IFT43: variants seen among roughly 807,000 people sequenced by gnomAD.
The protein encoded by IFT43 is intraflagellar transport 43, also known as intraflagellar transport protein 43 homolog.
IFT43 carries 33 observed loss-of-function variants against 32.3 expected under a neutral mutation model. That is an observed-to-expected ratio of 1.02 (90% CI 0.77 to 1.37). IFT43 has a LOEUF of 1.37. Among genes scored for constraint, IFT43 ranks in the 40% most tolerant of loss-of-function variants. The pLI is 0.00. For synonymous variants in IFT43, 93 were observed against 98.2 expected (o/e 0.95, Z 0.31); for missense variants, 274 against 265.9 (o/e 1.03, Z -0.21).
intron 5 of IFT43, among the ~76,000 whole-genome samples, chr14:76,065,261 A>G (rs1359837209): frequency 6.6e-6 from 1 of 152,204 alleles, no homozygotes; most frequent in Non-Finnish European, 1.5e-5. Context: ...ATCATCATTT[A>G]CTACCAAACA....
At chr14:76,067,304 G>A (rs2037241091) in intron 5 of IFT43, among the ~76,000 whole-genome samples, 1 of 152,132 alleles carries the variant, frequency 6.6e-6, no homozygotes, top group Admixed American at 6.5e-5. Context: ...AGTGGCTCAC[G>A]CCTGTAATCT....
At chr14:76,082,579 G>A (rs2037530863) in intron 6 of IFT43, 38 bp from the exon 7 acceptor site, 6 of 1,613,966 alleles carry the variant, frequency 3.7e-6, no homozygotes, top group Non-Finnish European at 5.1e-6. Flanking sequence ...AACAGGTCCT[G>A]CCTGGGGTTC....
chr14:75,994,291 G>C (rs184742867), intron 2 of IFT43, among the ~76,000 whole-genome samples: 1 of 152,184 alleles, frequency 6.6e-6, no homozygotes, highest in South Asian at 2.1e-4. Context: ...CACTTAGGAC[G>C]TGGTGCCAGT....
intron 3 of IFT43, among the ~76,000 whole-genome samples, chr14:76,052,144 A>G (rs985082380): frequency 6.6e-6 from 1 of 151,460 alleles, no homozygotes; most frequent in South Asian, 2.1e-4. Flanking sequence ...GCTTCCCCCC[A>G]TTTATCTCGG....
chr14:76,062,606 C>T (rs1299887763), intron 5 of IFT43, among the ~76,000 whole-genome samples: 1 of 151,992 alleles, frequency 6.6e-6, no homozygotes, highest in Non-Finnish European at 1.5e-5. Context: ...TGCTTTTGCA[C>T]CATCATAAAG....
chr14:76,067,071 A>G (rs964892997), intron 5 of IFT43, among the ~76,000 whole-genome samples: 6 of 152,178 alleles, frequency 3.9e-5, no homozygotes, highest in Non-Finnish European at 8.8e-5. Flanking sequence ...TCGGTCTTTC[A>G]TAGACAACTT....
chr14:76,001,107 A>AT (rs2035877059), intron 2 of IFT43, among the ~76,000 whole-genome samples: 1 of 152,188 alleles, frequency 6.6e-6, no homozygotes, highest in Admixed American at 6.5e-5. Context: ...GTGCAAACAC[A>AT]TTTTCAGTAG....
At chr14:76,065,079 G>A (rs1310032873) in intron 5 of IFT43, among the ~76,000 whole-genome samples, 3 of 152,154 alleles carry the variant, frequency 2.0e-5, no homozygotes, top group Non-Finnish European at 4.4e-5. Context: ...TCAAATTGTT[G>A]CACCTTTAAG....
At chr14:76,070,707 T>A (rs2037305771) in intron 5 of IFT43, among the ~76,000 whole-genome samples, 1 of 152,092 alleles carries the variant, frequency 6.6e-6, no homozygotes, top group Non-Finnish European at 1.5e-5. Context: ...TTTGGCACCA[T>A]CCCCTTGGCG....
chr14:76,046,415 G>A (rs936008233), intron 3 of IFT43, among the ~76,000 whole-genome samples: 4 of 152,094 alleles, frequency 2.6e-5, no homozygotes, highest in Admixed American at 1.3e-4. Flanking sequence ...CAGCAAGGGA[G>A]GCAGCAATAT....
At chr14:76,008,145 C>T (rs755854428) in intron 2 of IFT43, among the ~76,000 whole-genome samples, 1 of 152,162 alleles carries the variant, frequency 6.6e-6, no homozygotes, top group Non-Finnish European at 1.5e-5. Context: ...CATGTTATGT[C>T]TCATTGAGCT....
intron 5 of IFT43, among the ~76,000 whole-genome samples, chr14:76,066,049 G>A (rs1220515228): frequency 6.6e-6 from 1 of 152,196 alleles, no homozygotes; most frequent in African/African-American, 2.4e-5. Flanking sequence ...TAGCCTCCAG[G>A]CTCTAACAAA....
At chr14:76,020,002 ATC>A (rs2036260827) in intron 2 of IFT43, among the ~76,000 whole-genome samples, 3 of 151,594 alleles carry the variant, frequency 2.0e-5, no homozygotes, top group Admixed American at 2.0e-4. Context: ...TGGAGACGGA[ATC>A]TCTCCCTGTT....
chr14:76,003,790 G>C (rs2035933725), intron 2 of IFT43, among the ~76,000 whole-genome samples: 1 of 151,456 alleles, frequency 6.6e-6, no homozygotes, highest in Admixed American at 6.6e-5. Context: ...GTTTTGTTTT[G>C]TTTTTGAGAC....
intron 6 of IFT43, 100 bp from the exon 7 acceptor site, chr14:76,082,516 CA>C: frequency 1.4e-6 from 2 of 1,412,988 alleles, no homozygotes; most frequent in South Asian, 2.3e-5. Flanking sequence ...CCATTCTGGT[CA>C]TCCCCTGCTG....
chr14:76,026,147 G>A (rs960944342), intron 3 of IFT43, among the ~76,000 whole-genome samples: 22 of 152,142 alleles, frequency 1.4e-4, no homozygotes, highest in African/African-American at 5.1e-4. Flanking sequence ...CAAACACTTT[G>A]TAAAAGAAAG....
intron 3 of IFT43, among the ~76,000 whole-genome samples, chr14:76,041,928 A>G (rs2036715045): frequency 6.6e-6 from 1 of 152,202 alleles, no homozygotes; most frequent in African/African-American, 2.4e-5. Flanking sequence ...GTGGACATTT[A>G]GGTTCTTTCT....
intron 2 of IFT43, among the ~76,000 whole-genome samples, chr14:75,991,788 C>A (rs1017025474): frequency 1.2e-4 from 19 of 152,136 alleles, no homozygotes; most frequent in Admixed American, 3.3e-4. Flanking sequence ...GCTCTTCACC[C>A]AACTGTTGCC....
At chr14:76,026,912 C>G (rs1209009797) in intron 3 of IFT43, among the ~76,000 whole-genome samples, 1 of 152,072 alleles carries the variant, frequency 6.6e-6, no homozygotes, top group African/African-American at 2.4e-5. Context: ...AAAAAAAGAA[C>G]AAGATCATGT....
Sources: allele counts gnomAD v4.1 joint callset (sites outside exome capture counted in the v4.1 genomes callset), GRCh38; gene constraint gnomAD v4.1.1; transcripts MANE v1.5; gene names NCBI Gene and HGNC (gene_info 2026-07-23, HGNC 2026-07-21).